The following ADGRD1 variants were observed in gnomAD, a reference collection of about 807,000 sequenced individuals.
ADGRD1 encodes the protein G-protein coupled receptor 133.
In ADGRD1, 77 loss-of-function variants were observed where a neutral mutation model predicts 113.4. That is an observed-to-expected ratio of 0.68 (90% CI 0.57 to 0.82). The LOEUF (loss-of-function observed/expected upper bound fraction) is 0.82. Among genes scored for constraint, ADGRD1 ranks in the 40% least tolerant of loss-of-function variants. ADGRD1 has a pLI of 0.00. For synonymous variants in ADGRD1, 474 were observed against 475.0 expected (o/e 1.00, Z 0.03); for missense variants, 1,036 against 1,139.1 (o/e 0.91, Z 1.30).
At chr12:130,994,566 C>T (rs1210438167) in intron 8 of ADGRD1, among the ~76,000 whole-genome samples, 1 of 152,246 alleles carries the variant, frequency 6.6e-6, no homozygotes, top group African/African-American at 2.4e-5. Context: ...GTGCAGCAGA[C>T]ACTTAGCAGG....
chr12:131,015,805 C>T (rs1216859154), intron 13 of ADGRD1, among the ~76,000 whole-genome samples: 3 of 152,196 alleles, frequency 2.0e-5, no homozygotes, highest in Admixed American at 6.5e-5. Flanking sequence ...TCACCTGGAC[C>T]AGCAGCCTCC....
Position 131,003,145 on chromosome 12 carries a change from G to T in ADGRD1, c.1027-40G>T. 6.7e-7 allele frequency: 1 copy of T among 1,489,322 alleles called. No homozygotes were observed. The highest frequency in any genetic ancestry group is 1.1e-5 in the South Asian group (1 of 88,746). 92.3% of individuals were successfully genotyped at this position (1,489,322 alleles called of 1,614,324 possible). On this transcript the variant is annotated intron_variant, in intron 9 of 24. Transcript: ENST00000261654. This position sits in a 1 kb window ranked among gnomAD's most constrained non-coding sequence, Gnocchi z 4.8. ...ACCTGCCTGGTGCCCTGGCTGAGTG[G>T]GGTGGATTTTCATGGCTCCTGGTGC...
rs550151442 is a variant in ADGRD1, at chr12:130,986,978, C to T, written c.491-117C>T. On this transcript the variant is annotated intron_variant, in intron 5 of 24. Transcript: ENST00000261654. Reference sequence around the variant, plus strand: ...TTATACCTTGTATTAGGACGCACCACAGTTAACAGTGATTGATCACCTTAA... The same window carrying T: ...TTATACCTTGTATTAGGACGCACCATAGTTAACAGTGATTGATCACCTTAA... 4 of 818,340 alleles carry T rather than the reference C, an allele frequency of 4.9e-6. No homozygotes were observed. In the East Asian group the frequency reaches 7.7e-5, roughly 16 times the overall value. 50.7% of individuals were successfully genotyped at this position (818,340 alleles called of 1,614,324 possible). A position where few individuals can be genotyped will look rare whatever the true frequency, so the allele number is the denominator to read the frequency against.
chr12:130,971,388 T>G lies in ADGRD1; in HGVS notation c.188-70T>G. On this transcript the variant is annotated intron_variant, in intron 3 of 24. Transcript: ENST00000261654. The surrounding 1 kb of genome is among the most constrained non-coding windows in gnomAD (Gnocchi z 4.2). ...CTTACACATAAGTTATTTGTAGGTC[T>G]GACACACATCTTCAGACTTTTAATC... The G allele has an allele frequency of 1.5e-6, 2 of 1,326,324 alleles. No homozygotes were observed. Among genetic ancestry groups the G allele is most frequent in the South Asian group, 1.3e-5 (1 of 75,718 alleles). The allele number at this position is 1,326,324 out of a possible 1,614,324, so 82.2% of individuals were successfully genotyped here.
intron 13 of ADGRD1, among the ~76,000 whole-genome samples, chr12:131,043,417 A>C (rs745701733): frequency 1.3e-5 from 2 of 152,222 alleles, no homozygotes; most frequent in Non-Finnish European, 2.9e-5. Flanking sequence ...CTTTGGGTGC[A>C]TACCAGCTCT....
chr12:131,137,075 C>T, intron 23 of ADGRD1, 61 bp downstream of exon 23: 3 of 1,355,904 alleles, frequency 2.2e-6, no homozygotes, highest in Non-Finnish European at 3.2e-6. Context: ...TCCGAAAGGT[C>T]ACAGGAGCAG....
At chr12:130,961,566 T>G (rs189164077) in intron 2 of ADGRD1, among the ~76,000 whole-genome samples, 35 of 152,230 alleles carry the variant, frequency 2.3e-4, no homozygotes, top group African/African-American at 8.2e-4. Flanking sequence ...CGTTTAGTCT[T>G]TAGAAGAGTT....
chr12:131,026,517 C>T (rs1879976236), intron 13 of ADGRD1: 1 of 152,180 alleles, frequency 6.6e-6, no homozygotes, highest in African/African-American at 2.4e-5. Flanking sequence ...TCCATGTCAC[C>T]CCGGAACAGA....
rs1385192750 is a variant in ADGRD1, at chr12:131,140,301, C to G, written c.*1038C>G. The G allele has an allele frequency of 2.6e-5, 4 of 152,206 alleles. No homozygotes were observed. The highest frequency in any genetic ancestry group is 4.4e-5 in the Non-Finnish European group (3 of 68,058). 9.4% of individuals were successfully genotyped at this position (152,206 alleles called of 1,614,324 possible). A position where few individuals can be genotyped will look rare whatever the true frequency, so the allele number is the denominator to read the frequency against. On this transcript the variant is annotated 3_prime_UTR_variant, in exon 25 of 25. Transcript: ENST00000261654. ...TGCGCTCCGTCTGGTCACCATGAGACCGACCTGCGCTGAGTCCCCACTGAC... is the reference window on the plus strand; with the variant it reads ...TGCGCTCCGTCTGGTCACCATGAGAGCGACCTGCGCTGAGTCCCCACTGAC...
intron 2 of ADGRD1, among the ~76,000 whole-genome samples, chr12:130,960,255 C>T (rs1219643193): frequency 1.3e-5 from 2 of 152,184 alleles, no homozygotes; most frequent in Non-Finnish European, 2.9e-5. Flanking sequence ...GCACAGCTGG[C>T]TCCAGCCGTT....
At chr12:131,059,101 A>G (rs997209015) in intron 13 of ADGRD1, among the ~76,000 whole-genome samples, 1 of 152,078 alleles carries the variant, frequency 6.6e-6, no homozygotes, top group South Asian at 2.1e-4. Context: ...TTTTTCTTCA[A>G]ATTATCCTTC....
intron 13 of ADGRD1, among the ~76,000 whole-genome samples, chr12:131,058,110 CA>C: frequency 6.6e-6 from 1 of 152,182 alleles, no homozygotes; most frequent in East Asian, 1.9e-4. Flanking sequence ...TCATTTCTGA[CA>C]ATATTTTTTT....
chr12:130,960,148 G>A (rs1870165276), intron 2 of ADGRD1, among the ~76,000 whole-genome samples: 1 of 152,202 alleles, frequency 6.6e-6, no homozygotes, highest in Admixed American at 6.5e-5. Context: ...TTATAAGCAT[G>A]CCATTTTATA....
At chr12:131,127,365 T>C (rs767994639) in intron 20 of ADGRD1, among the ~76,000 whole-genome samples, 4 of 152,244 alleles carry the variant, frequency 2.6e-5, no homozygotes, top group Admixed American at 2.0e-4. Flanking sequence ...GGAACAGTCA[T>C]GTGTGCATCT....
intron 12 of ADGRD1, among the ~76,000 whole-genome samples, chr12:131,010,195 C>T (rs890760621): frequency 8.5e-5 from 13 of 152,176 alleles, no homozygotes; most frequent in African/African-American, 2.9e-4. Flanking sequence ...CTGCCATGTG[C>T]CACCTTGTTG....
intron 11 of ADGRD1, 112 bp downstream of exon 11, chr12:131,004,408 G>GGGCCGCCTGCGGTGCTCCCCCA (rs1555243433): frequency 8.5e-6 from 7 of 827,192 alleles, no homozygotes; most frequent in South Asian, 3.1e-5. Context: ...GTGCTCCCCC[G>GGGCCGCCTGCGGTGCTCCCCCA]GGCCGCCTGC....
chr12:130,989,372 A>G (rs933206655), intron 6 of ADGRD1: 1 of 152,230 alleles, frequency 6.6e-6, no homozygotes, highest in Non-Finnish European at 1.5e-5. Context: ...ACTGAACCAG[A>G]ACTGGATCGA....
Position 130,954,327 on chromosome 12 carries a change from A to G in ADGRD1, c.-139A>G. 2 of 684,508 alleles carry G rather than the reference A, an allele frequency of 2.9e-6. No individual in the cohort carries two copies. Among genetic ancestry groups the G allele is most frequent in the Non-Finnish European group, 4.8e-6 (2 of 416,314 alleles). The allele number at this position is 684,508 out of a possible 1,614,324, so 42.4% of individuals were successfully genotyped here. ...GTCTCCAAGACAGCTGTGTTTCACAAACTTTAAGGAGACAGAAATTTTCTC... is the reference window on the plus strand; with the variant it reads ...GTCTCCAAGACAGCTGTGTTTCACAGACTTTAAGGAGACAGAAATTTTCTC... On this transcript the variant is annotated 5_prime_UTR_variant, in exon 1 of 25. Coordinates refer to ENST00000261654, the MANE Select transcript of ADGRD1 (RefSeq NM_198827.5). This position sits in a 1 kb window ranked among gnomAD's most constrained non-coding sequence, Gnocchi z 4.7.
rs544198438 is a variant in ADGRD1 at position 131,031,198 on chromosome 12, C to T, written c.1473+16858C>T. Among the ~76,000 whole-genome samples, 405 of 152,330 alleles carry T rather than the reference C, an allele frequency of 2.7e-3. 3 individuals carry two copies. Among genetic ancestry groups the T allele is most frequent in the African/African-American group, 9.2e-3 (381 of 41,570 alleles). On this transcript the variant is annotated intron_variant, in intron 13 of 24. Coordinates refer to ENST00000261654, the MANE Select transcript of ADGRD1 (RefSeq NM_198827.5). ...TGTCGAAGCTGCTCCCTGCCTCCCA[C>T]CCTCCCTTCCTGCGCCATGTCATTT...
Sources: allele counts gnomAD v4.1 joint callset (sites outside exome capture counted in the v4.1 genomes callset), GRCh38; gene constraint gnomAD v4.1.1; non-coding constraint Gnocchi (gnomAD v3.1); transcripts MANE v1.5; gene names NCBI Gene and HGNC (gene_info 2026-07-23, HGNC 2026-07-21).